Variants in PTGFRN observed in about 807,000 individuals in gnomAD.
PTGFRN encodes the protein prostaglandin F2 receptor negative regulator.
Under a neutral mutation model 83.2 loss-of-function variants are expected in PTGFRN, and 35 were observed. That is an observed-to-expected ratio of 0.42 (90% CI 0.32 to 0.56). The LOEUF is 0.56. PTGFRN is among the 20% of genes least tolerant of loss of function. The probability of loss-of-function intolerance (pLI) is 0.11; values close to 1 mark genes in which losing one functional copy is unlikely to be tolerated. For missense variants in PTGFRN, 1,051 were observed against 1,179.5 expected (o/e 0.89, Z 1.60); for synonymous variants, 519 against 498.6 (o/e 1.04, Z -0.55).
intron 2 of PTGFRN, among the ~76,000 whole-genome samples, chr1:116,942,341 G>T (rs1467917236): frequency 1.3e-5 from 2 of 152,230 alleles, no homozygotes; most frequent in African/African-American, 4.8e-5. Context: ...CCTATGCCCA[G>T]TGAGGTGGAG....
chr1:116,947,098 C>G (rs1279443117), intron 3 of PTGFRN, among the ~76,000 whole-genome samples: 1 of 152,196 alleles, frequency 6.6e-6, no homozygotes, highest in East Asian at 1.9e-4. Flanking sequence ...ACTCTAAATT[C>G]TCTTTGTGGA....
intron 3 of PTGFRN, among the ~76,000 whole-genome samples, chr1:116,946,337 G>C (rs992160150): frequency 2.6e-5 from 4 of 152,166 alleles, no homozygotes; most frequent in Admixed American, 6.5e-5. Context: ...AGTGACTATG[G>C]CCATTGAGGA....
chr1:116,918,988 G>A lies in PTGFRN; in HGVS notation c.49+8736G>A, dbSNP rs1305527400. Among the ~76,000 whole-genome samples, 1 of 152,230 alleles carries A rather than the reference G, an allele frequency of 6.6e-6. No homozygotes were observed. Among genetic ancestry groups the A allele is most frequent in the Non-Finnish European group, 1.5e-5 (1 of 68,040 alleles). ...TGGAGGGCATGATGATGGCATAAAA[G>A]CAGATTCTGAGGTGCAAGGGAATGG... On this transcript the variant is annotated intron_variant, in intron 1 of 8. Coordinates refer to ENST00000393203, the MANE Select transcript of PTGFRN (RefSeq NM_020440.4). The surrounding 1 kb of genome is among the most constrained non-coding windows in gnomAD (Gnocchi z 4.1).
chr1:116,924,393 C>T (rs1649606366), intron 1 of PTGFRN, among the ~76,000 whole-genome samples: 1 of 152,148 alleles, frequency 6.6e-6, no homozygotes, highest in Admixed American at 6.5e-5. Flanking sequence ...GATCTACCTG[C>T]CTCAGCCTCC....
rs886975772 is a variant in PTGFRN at position 116,983,760 on chromosome 1, G to T, written c.2168-920G>T. Among the ~76,000 whole-genome samples the T allele has an allele frequency of 2.0e-5, 3 of 152,202 alleles. No individual in the cohort carries two copies. The South Asian group carries it at 6.2e-4, about 32-fold the overall frequency. On this transcript the variant is annotated intron_variant, in intron 7 of 8. Coordinates refer to ENST00000393203, the MANE Select transcript of PTGFRN (RefSeq NM_020440.4). ...GTTATCTCTTGTTCGGCAAAAAATT[G>T]TGTTATTTGACATTTATATAAAACG... is the stretch of plus-strand genomic sequence containing the variant.
At chr1:116,929,999 C>A (rs1649754286) in intron 1 of PTGFRN, among the ~76,000 whole-genome samples, 1 of 152,224 alleles carries the variant, frequency 6.6e-6, no homozygotes, top group African/African-American at 2.4e-5. Flanking sequence ...CAGTTCATTT[C>A]TCTTTTCTCA....
chr1:116,957,841 C>T (rs1042829277), intron 4 of PTGFRN, among the ~76,000 whole-genome samples: 1 of 152,174 alleles, frequency 6.6e-6, no homozygotes, highest in Non-Finnish European at 1.5e-5. Flanking sequence ...TTTTGACCTC[C>T]CACATGCGAG....
chr1:116,940,273 G>C (rs964809384), intron 1 of PTGFRN, among the ~76,000 whole-genome samples: 1 of 152,284 alleles, frequency 6.6e-6, no homozygotes, highest in South Asian at 2.1e-4. Flanking sequence ...AATCTGTTCC[G>C]TGCTTCTCCC....
chr1:116,944,722 G>T lies in PTGFRN; in HGVS notation c.462G>T (p.Pro154=). The change falls in exon 3 of 9, where the codon CCG becomes CCT. Residue 154 remains proline, a synonymous_variant. Transcript: ENST00000393203. The part of the protein sequence containing the change: ...SLHVGPSARP[P]PSLSLREGEP... ...ACGTGGGCCCCAGCGCGCGGCCCCC[G>T]CCGAGCCTGAGCCTGCGGGAGGGGG... 2 of 1,458,834 alleles carry T rather than the reference G, an allele frequency of 1.4e-6. No individual in the cohort carries two copies. The highest frequency in any genetic ancestry group is 2.7e-5 in the East Asian group (1 of 37,470). The allele number at this position is 1,458,834 out of a possible 1,614,324, so 90.4% of individuals were successfully genotyped here. A position where few individuals can be genotyped will look rare whatever the true frequency, so the allele number is the denominator to read the frequency against.
At chr1:116,937,089 G>T (rs1570653201) in intron 1 of PTGFRN, among the ~76,000 whole-genome samples, 1 of 152,210 alleles carries the variant, frequency 6.6e-6, no homozygotes, top group African/African-American at 2.4e-5. Context: ...TCTGAAGCTG[G>T]TGAAGGAGCT....
At chr1:116,921,699 T>TCTG (rs1649541190) in intron 1 of PTGFRN, among the ~76,000 whole-genome samples, 1 of 152,152 alleles carries the variant, frequency 6.6e-6, no homozygotes, top group South Asian at 2.1e-4. Flanking sequence ...TGTGCAAGAT[T>TCTG]ACAAAGTCCA....
intron 5 of PTGFRN, 21 bp from the exon 6 acceptor site, chr1:116,966,890 C>T (rs558281708): frequency 6.4e-7 from 1 of 1,561,754 alleles, no homozygotes; most frequent in East Asian, 2.3e-5. Context: ...GAAATCACAT[C>T]CTTCTGGTCA....
At chr1:116,930,520 A>G (rs1255125133) in intron 1 of PTGFRN, among the ~76,000 whole-genome samples, 2 of 152,132 alleles carry the variant, frequency 1.3e-5, no homozygotes, top group African/African-American at 2.4e-5. Flanking sequence ...TTCCATTCCA[A>G]CTGTCCGGTG....
rs528785791 is a variant in PTGFRN at position 116,918,293 on chromosome 1, A to G, written c.49+8041A>G. ...AGTGTGAACCTTGGACAGGTTTTCT[A>G]ACCTCTTTGAATCTCACTTTCTGTC... On this transcript the variant is annotated intron_variant, in intron 1 of 8. Transcript: ENST00000393203. This position sits in a 1 kb window ranked among gnomAD's most constrained non-coding sequence, Gnocchi z 4.1. Among the ~76,000 whole-genome samples, 2 of 152,322 alleles carry G rather than the reference A, an allele frequency of 1.3e-5. No homozygotes were observed. The highest frequency in any genetic ancestry group is 4.2e-4 in the South Asian group (2 of 4,816).
At position 116,989,352 on chromosome 1, in the gene PTGFRN, A is replaced by G. The variant is rs1479077705; in HGVS notation, c.*2385A>G. On this transcript the variant is annotated 3_prime_UTR_variant, in exon 9 of 9. Coordinates refer to ENST00000393203, the MANE Select transcript of PTGFRN (RefSeq NM_020440.4). ...AGGAAGGGGCGAGAAATCCCAGGGCATTGTACCAAGGACCTAGTTCCTTCT... is the reference window on the plus strand; with the variant it reads ...AGGAAGGGGCGAGAAATCCCAGGGCGTTGTACCAAGGACCTAGTTCCTTCT... 6.6e-6 allele frequency: 1 copy of G among 152,304 alleles called. No individual in the cohort carries two copies. Among genetic ancestry groups the G allele is most frequent in the African/African-American group, 2.4e-5 (1 of 41,468 alleles). The allele number at this position is 152,304 out of a possible 1,614,324, so 9.4% of individuals were successfully genotyped here. A position where few individuals can be genotyped will look rare whatever the true frequency, so the allele number is the denominator to read the frequency against.
At chr1:116,960,410 G>C (rs890766699) in intron 4 of PTGFRN, among the ~76,000 whole-genome samples, 18 of 152,256 alleles carry the variant, frequency 1.2e-4, no homozygotes, top group African/African-American at 4.3e-4. Flanking sequence ...TGCAGAAATG[G>C]ATTAAATTGA....
At chr1:116,981,919 G>A (rs1345192730) in intron 7 of PTGFRN, among the ~76,000 whole-genome samples, 1 of 152,116 alleles carries the variant, frequency 6.6e-6, no homozygotes, top group African/African-American at 2.4e-5. Context: ...TTTAGAGGTA[G>A]GAAACAGAAG....
At chr1:116,949,623 G>T (rs749767986) in intron 4 of PTGFRN, 51 bp downstream of exon 4, 1 of 1,553,738 alleles carries the variant, frequency 6.4e-7, no homozygotes, top group African/African-American at 1.4e-5. Context: ...ACCCCTCCTC[G>T]GAGTTATCTG....
chr1:116,912,014 C>G (rs1649285011), intron 1 of PTGFRN, among the ~76,000 whole-genome samples: 1 of 152,204 alleles, frequency 6.6e-6, no homozygotes, highest in South Asian at 2.1e-4. Context: ...CCCCCTAGAG[C>G]TGTGCAGTTC....
Sources: allele counts gnomAD v4.1 joint callset (sites outside exome capture counted in the v4.1 genomes callset), GRCh38; gene constraint gnomAD v4.1.1; non-coding constraint Gnocchi (gnomAD v3.1); transcripts MANE v1.5; gene names NCBI Gene and HGNC (gene_info 2026-07-23, HGNC 2026-07-21).